Variants in C1QBP observed in about 807,000 individuals in gnomAD.
The protein encoded by C1QBP is complement C1q binding protein.
Under a neutral mutation model 29.4 loss-of-function variants are expected in C1QBP, and 24 were observed. That is an observed-to-expected ratio of 0.82 (90% CI 0.59 to 1.15). The LOEUF (loss-of-function observed/expected upper bound fraction) is 1.15. Ranked by LOEUF, C1QBP falls within the 50% of genes most tolerant of loss-of-function variation. The pLI is 0.00. For synonymous variants in C1QBP, 182 were observed against 149.2 expected (o/e 1.22, Z -1.60); for missense variants, 337 against 355.8 (o/e 0.95, Z 0.43).
intron 2 of C1QBP, 141 bp from the exon 3 acceptor site, chr17:5,435,107 T>C (rs1458888895): frequency 2.7e-6 from 2 of 739,666 alleles, no homozygotes; most frequent in Non-Finnish European, 4.7e-6. Flanking sequence ...GGCTGAATTA[T>C]ATGCAGAACT....
chr17:5,433,554 G>A (rs933374194), intron 4 of C1QBP, 115 bp downstream of exon 4: 2 of 1,511,464 alleles, frequency 1.3e-6, no homozygotes, highest in Non-Finnish European at 9.2e-7. Flanking sequence ...TCCCCCTGCT[G>A]GGCTGGTCTA....
chr17:5,438,406 G>A, intron 1 of C1QBP, 133 bp from the exon 2 acceptor site: 1 of 1,151,310 alleles, frequency 8.7e-7, no homozygotes, highest in South Asian at 1.7e-5. Context: ...CTAGAAGCCT[G>A]TTTCCTTATC....
At chr17:5,437,077 GAA>G (rs1916294139) in intron 2 of C1QBP, among the ~76,000 whole-genome samples, 1 of 152,060 alleles carries the variant, frequency 6.6e-6, no homozygotes. Flanking sequence ...ATCCCATAGA[GAA>G]AGTAGCTTAG....
intron 2 of C1QBP, among the ~76,000 whole-genome samples, chr17:5,437,863 A>AAATCAGAGATCAAACTGATTCTGCC (rs1916316712): frequency 6.6e-6 from 1 of 152,226 alleles, no homozygotes; most frequent in Admixed American, 6.5e-5. Flanking sequence ...TCAGGGCTGT[A>AAATCAGAGATCAAACTGATTCTGCC]AATCAGAGAT....
intron 3 of C1QBP, chr17:5,433,995 G>A (rs1289416328): frequency 3.5e-6 from 2 of 573,126 alleles, no homozygotes; most frequent in Non-Finnish European, 3.1e-6. Context: ...GTGGATACCA[G>A]CCTCAGCTAT....
chr17:5,439,002 GGGCGCGGCA>G lies in C1QBP; in HGVS notation c.63_71del (p.Ala23_Ala25del), dbSNP rs1567593270. 1 of 1,484,344 alleles carries G rather than the reference GGGCGCGGCA, an allele frequency of 6.7e-7. No homozygotes were observed. Among genetic ancestry groups the G allele is most frequent in the Admixed American group, 2.3e-5 (1 of 44,136 alleles). 91.9% of individuals were successfully genotyped at this position (1,484,344 alleles called of 1,614,324 possible). On this transcript the variant is annotated inframe_deletion, in exon 1 of 6. Transcript: ENST00000225698. Reference sequence around the variant, plus strand: ...GCAGGAGCTGCCGGAAAGGCGAGGCGGGCGCGGCAGCGCGGAGGCCGGCGACGGAGGAGC... The same window carrying G: ...GCAGGAGCTGCCGGAAAGGCGAGGCGGCGCGGAGGCCGGCGACGGAGGAGC...
intron 2 of C1QBP, among the ~76,000 whole-genome samples, chr17:5,437,084 G>T (rs1325686718): frequency 1.3e-5 from 2 of 152,144 alleles, no homozygotes; most frequent in Non-Finnish European, 2.9e-5. Flanking sequence ...AGAGAAAGTA[G>T]CTTAGTGATT....
At chr17:5,434,761 G>A (rs1302205766) in intron 3 of C1QBP, 112 bp downstream of exon 3, 5 of 922,354 alleles carry the variant, frequency 5.4e-6, no homozygotes, top group Non-Finnish European at 8.3e-6. Flanking sequence ...CCATGCGACT[G>A]GACTTAGAGG....
rs759704288 is a variant in C1QBP, at chr17:5,433,752, T to C, written c.493A>G (p.Thr165Ala). ...ATAACTTCAACCACGAAATTGGGAG[T>C]TGATGTCAGTTCAGGCTGGGGAAAC... is the stretch of plus-strand genomic sequence containing the variant. ...VEEQEPELTS[T>A]PNFVVEVIKN... The change falls in exon 4 of 6, where the codon ACT (threonine) becomes GCT (alanine). Residue 165 changes from threonine to alanine, a missense_variant. Physicochemically the swap from Thr to Ala is moderately conservative, Grantham distance 58. Coordinates refer to ENST00000225698, the MANE Select transcript of C1QBP (RefSeq NM_001212.4). 5.0e-6 allele frequency: 8 copies of C among 1,614,040 alleles called. No homozygotes were observed. The Admixed American group carries it at 8.3e-5, about 17-fold the overall frequency.
At chr17:5,438,045 C>T (rs888013651) in intron 2 of C1QBP, 78 bp downstream of exon 2, 19 of 1,521,942 alleles carry the variant, frequency 1.2e-5, no homozygotes, top group Non-Finnish European at 1.6e-5. Context: ...GAACTCAAGG[C>T]TCTTCTGGGG....
rs1257043366 is a variant in C1QBP, at chr17:5,438,875, A to G, written c.199T>C (p.Cys67Arg). 1.3e-6 allele frequency: 2 copies of G among 1,544,792 alleles called. No individual in the cohort carries two copies. Residue 67 changes from cysteine (C) to arginine (R), a missense_variant, in exon 1 of 6, where the codon TGT becomes CGT. Coordinates refer to ENST00000225698, the MANE Select transcript of C1QBP (RefSeq NM_001212.4). ...GLLRPRGPCA[C>R]GCGCGSLHTD... ...TGCAGCGAGCCGCAGCCACAGCCACAGGCGCAGGGTCCGCGAGGCCGCAGG... is the reference window on the plus strand; with the variant it reads ...TGCAGCGAGCCGCAGCCACAGCCACGGGCGCAGGGTCCGCGAGGCCGCAGG...
chr17:5,435,722 C>T (rs1008505301), intron 2 of C1QBP, among the ~76,000 whole-genome samples: 4 of 151,916 alleles, frequency 2.6e-5, no homozygotes, highest in African/African-American at 9.7e-5. Flanking sequence ...CTCTGGCAGG[C>T]ACCATTCCAC....
Position 5,433,673 on chromosome 17 carries a change from T to C in C1QBP, c.572A>G (p.Asp191Gly), listed in dbSNP as rs746557205. The C allele has an allele frequency of 6.2e-7, 1 of 1,614,092 alleles. No homozygotes were observed. The highest frequency in any genetic ancestry group is 1.1e-5 in the South Asian group (1 of 91,082). The change falls in exon 4 of 6, where the codon GAT becomes GGT. Residue 191 changes from aspartate to glycine, a missense_variant. Asp to Gly is a moderately conservative substitution (Grantham distance 94). Transcript: ENST00000225698. ...CTAGCACTCCATCCTGCATACCTCA[T>C]CCTCTGGATAATGACAGTCCAACAC... Reference protein sequence around the residue: ...ALVLDCHYPEDEVGQEDEAES... With the variant: ...ALVLDCHYPEGEVGQEDEAES...
intron 1 of C1QBP, 170 bp from the exon 2 acceptor site, chr17:5,438,443 A>G: frequency 1.2e-6 from 1 of 864,368 alleles, no homozygotes; most frequent in Non-Finnish European, 1.7e-6. Context: ...TAGTAGTAGG[A>G]AGCTGAGCCT....
At chr17:5,434,830 C>A (rs756627894) in intron 3 of C1QBP, 43 bp downstream of exon 3, 1 of 1,551,128 alleles carries the variant, frequency 6.4e-7, no homozygotes, top group Non-Finnish European at 8.9e-7. Context: ...CCAGGCACAG[C>A]CTGTCAGAAC....
intron 1 of C1QBP, 36 bp downstream of exon 1, chr17:5,438,806 G>T: frequency 1.3e-6 from 2 of 1,547,006 alleles, no homozygotes; most frequent in South Asian, 2.4e-5. Flanking sequence ...TCCCTCTGTT[G>T]AACGCAAACC....
intron 5 of C1QBP, 39 bp downstream of exon 5, chr17:5,433,254 C>A: frequency 1.2e-6 from 2 of 1,613,236 alleles, no homozygotes; most frequent in Non-Finnish European, 1.7e-6. Flanking sequence ...CCCTTCCTTC[C>A]AAGGCCCAAA....
intron 2 of C1QBP, among the ~76,000 whole-genome samples, chr17:5,435,874 C>CAAAAAAAA (rs200057698): frequency 9.2e-4 from 97 of 105,638 alleles, no homozygotes; most frequent in African/African-American, 1.3e-3. Flanking sequence ...CTAAAAAATA[C>CAAAAAAAA]AAAAAAAAAA....
rs772790683 is a variant in C1QBP, at chr17:5,439,104, C to T, written c.-31G>A. The T allele has an allele frequency of 3.9e-6, 6 of 1,539,728 alleles. No individual in the cohort carries two copies. The South Asian group carries it at 6.0e-5, about 15-fold the overall frequency. ...AAACGACTGCGAACACGTGCAGATG[C>T]AAAGGACAACCCAGGCCTAGGCGCC... On this transcript the variant is annotated 5_prime_UTR_variant, in exon 1 of 6. Transcript: ENST00000225698.
Sources: allele counts gnomAD v4.1 joint callset (sites outside exome capture counted in the v4.1 genomes callset), GRCh38; gene constraint gnomAD v4.1.1; transcripts MANE v1.5; gene names NCBI Gene and HGNC (gene_info 2026-07-23, HGNC 2026-07-21).